Variants in CDK6 observed in about 807,000 individuals in gnomAD.
CDK6 encodes cyclin-dependent kinase 6.
CDK6 carries 6 observed loss-of-function variants against 37.1 expected under a neutral mutation model. The observed-to-expected ratio is 0.16, with a 90% CI of 0.09 to 0.32. CDK6 has a LOEUF of 0.32. Among genes scored for constraint, CDK6 ranks in the 10% least tolerant of loss-of-function variants. The pLI is 1.00. For missense variants in CDK6, 224 were observed against 418.9 expected (o/e 0.53, Z 4.06); for synonymous variants, 160 against 161.3 (o/e 0.99, Z 0.06).
intron 5 of CDK6, among the ~76,000 whole-genome samples, chr7:92,652,822 T>TC (rs1796606088): frequency 6.6e-6 from 1 of 152,218 alleles, no homozygotes; most frequent in African/African-American, 2.4e-5. Flanking sequence ...TAGTATGGCA[T>TC]CCTGTTCTTG....
chr7:92,747,454 A>G (rs541727861), intron 3 of CDK6, among the ~76,000 whole-genome samples: 4 of 152,296 alleles, frequency 2.6e-5, no homozygotes, highest in Admixed American at 2.6e-4. Flanking sequence ...TCCACAATCA[A>G]GTCCACTTCT....
At chr7:92,822,260 G>A (rs1801193308) in intron 2 of CDK6, among the ~76,000 whole-genome samples, 1 of 152,040 alleles carries the variant, frequency 6.6e-6, no homozygotes, top group African/African-American at 2.4e-5. Context: ...AATGAAAACA[G>A]TAGTGGATGA....
chr7:92,733,068 C>T (rs1186709420), intron 3 of CDK6, among the ~76,000 whole-genome samples: 3 of 152,280 alleles, frequency 2.0e-5, no homozygotes, highest in South Asian at 2.1e-4. Context: ...ACAAATCTAA[C>T]TTAATTAAAA....
At chr7:92,829,352 C>T (rs1214363937) in intron 2 of CDK6, among the ~76,000 whole-genome samples, 1 of 152,078 alleles carries the variant, frequency 6.6e-6, no homozygotes, top group Non-Finnish European at 1.5e-5. Context: ...GTTTCCAGAG[C>T]CAATACTTGA....
At chr7:92,687,833 C>T (rs1260750625) in intron 4 of CDK6, among the ~76,000 whole-genome samples, 7 of 152,158 alleles carry the variant, frequency 4.6e-5, no homozygotes, top group African/African-American at 1.7e-4. Flanking sequence ...TCCTGCACCC[C>T]TATTTATATA....
intron 3 of CDK6, among the ~76,000 whole-genome samples, chr7:92,757,607 A>G (rs1489339601): frequency 1.3e-5 from 2 of 152,208 alleles, no homozygotes; most frequent in Admixed American, 1.3e-4. Flanking sequence ...TAGTGCTGCA[A>G]TGAACATTCA....
At chr7:92,631,551 TTC>T (rs1259360471) in intron 5 of CDK6, among the ~76,000 whole-genome samples, 1 of 152,200 alleles carries the variant, frequency 6.6e-6, no homozygotes, top group Non-Finnish European at 1.5e-5. Flanking sequence ...AAGATGTTAT[TTC>T]TCTCTTTCAG....
rs529011441 is a variant in CDK6, at chr7:92,748,993, G to A, written c.370-23200C>T. ...AGGTGGGCATATCACAAGGTCAGGA[G>A]TTTGAGACTAGCCTGACCAACATGG... On this transcript the variant is annotated intron_variant, in intron 3 of 7. Transcript: ENST00000424848. Among the ~76,000 whole-genome samples, 4 of 152,284 alleles carry A rather than the reference G, an allele frequency of 2.6e-5. No homozygotes were observed. The South Asian group carries it at 8.3e-4, about 32-fold the overall frequency.
chr7:92,682,048 A>G (rs1183087888), intron 4 of CDK6, among the ~76,000 whole-genome samples: 2 of 152,074 alleles, frequency 1.3e-5, no homozygotes, highest in Non-Finnish European at 2.9e-5. Flanking sequence ...TTGACTTTCA[A>G]TGAAGCCACC....
intron 2 of CDK6, among the ~76,000 whole-genome samples, chr7:92,784,839 T>C (rs529303697): frequency 1.3e-3 from 201 of 152,342 alleles, no homozygotes; most frequent in South Asian, 5.4e-3. Context: ...TTCTAAATTA[T>C]AACTTAGGGA....
chr7:92,812,734 A>G (rs1800919074), intron 2 of CDK6, among the ~76,000 whole-genome samples: 1 of 152,136 alleles, frequency 6.6e-6, no homozygotes, highest in African/African-American at 2.4e-5. Context: ...CCCACACTCA[A>G]ACTTTTTAAG....
intron 4 of CDK6, among the ~76,000 whole-genome samples, chr7:92,701,508 C>T (rs1284338465): frequency 2.0e-5 from 3 of 151,936 alleles, no homozygotes; most frequent in African/African-American, 7.3e-5. Context: ...CGGGTTCAGG[C>T]CATTCTCCTG....
rs141085929 is a variant in CDK6 at position 92,610,888 on chromosome 7, C to T, written c.*4252G>A. The T allele has an allele frequency of 1.8e-4, 40 of 228,000 alleles. No individual in the cohort carries two copies. The highest frequency in any genetic ancestry group is 6.4e-4 in the African/African-American group (29 of 45,202). The allele number at this position is 228,000 out of a possible 1,614,324, so 14.1% of individuals were successfully genotyped here. A position where few individuals can be genotyped will look rare whatever the true frequency, so the allele number is the denominator to read the frequency against. ...TTTAAAAATTTATTTTTTCAATGAA[C>T]GTTCTTAGGCATGTGTAAGAAGTAT... On this transcript the variant is annotated 3_prime_UTR_variant, in exon 8 of 8. Coordinates refer to ENST00000424848, the MANE Select transcript of CDK6 (RefSeq NM_001145306.2).
At chr7:92,814,472 G>A (rs1464988835) in intron 2 of CDK6, among the ~76,000 whole-genome samples, 2 of 148,334 alleles carry the variant, frequency 1.3e-5, no homozygotes, top group Admixed American at 6.8e-5. Flanking sequence ...AAGAACTGCT[G>A]CATAACAAAA....
intron 5 of CDK6, among the ~76,000 whole-genome samples, chr7:92,630,743 T>A (rs1240907690): frequency 6.6e-6 from 1 of 152,098 alleles, no homozygotes; most frequent in East Asian, 1.9e-4. Context: ...ACCCTTCTGC[T>A]CCCTTGTGGA....
chr7:92,633,149 GT>G (rs1236719175), intron 5 of CDK6, among the ~76,000 whole-genome samples: 1 of 151,948 alleles, frequency 6.6e-6, no homozygotes, highest in African/African-American at 2.4e-5. Context: ...TCACTTCTTA[GT>G]TTATATCTTA....
At chr7:92,832,210 C>T (rs891581919) in intron 2 of CDK6, among the ~76,000 whole-genome samples, 9 of 152,140 alleles carry the variant, frequency 5.9e-5, no homozygotes, top group Non-Finnish European at 1.3e-4. Context: ...GGGGAAATTC[C>T]AGGATCACTA....
intron 3 of CDK6, among the ~76,000 whole-genome samples, chr7:92,763,478 T>A (rs1799507025): frequency 6.6e-6 from 1 of 152,216 alleles, no homozygotes; most frequent in Non-Finnish European, 1.5e-5. Flanking sequence ...GAACACTTTT[T>A]TAAAGGAAAG....
intron 2 of CDK6, among the ~76,000 whole-genome samples, chr7:92,801,443 T>C (rs1293636444): frequency 6.6e-6 from 1 of 152,106 alleles, no homozygotes; most frequent in Admixed American, 6.5e-5. Flanking sequence ...ACATAGAATT[T>C]TAAAGCTAGA....
Sources: gnomAD v4.1 joint callset for allele counts (sites outside exome capture counted in the v4.1 genomes callset) on GRCh38, gnomAD v4.1.1 for gene constraint, MANE v1.5 for transcripts, NCBI Gene and HGNC (gene_info 2026-07-23, HGNC 2026-07-21) for gene names.